LAMA3: variants seen among roughly 807,000 people sequenced by gnomAD.
LAMA3 encodes the protein laminin subunit alpha-3.
A neutral mutation model predicts 402.0 loss-of-function variants in LAMA3; 281 were observed. The ratio of observed to expected loss-of-function variants is 0.70; its 90% confidence interval spans 0.63 to 0.77. The LOEUF is 0.77. Ranked by LOEUF, LAMA3 falls within the 30% of genes least tolerant of loss-of-function variation. The pLI is 0.00. For missense variants in LAMA3, 3,840 were observed against 4,215.5 expected (o/e 0.91, Z 2.47); for synonymous variants, 1,431 against 1,558.4 (o/e 0.92, Z 1.93).
intron 15 of LAMA3, 85 bp from the exon 16 acceptor site, chr18:23,815,103 T>G: frequency 1.7e-6 from 2 of 1,186,306 alleles, no homozygotes; most frequent in Non-Finnish European, 2.5e-6. Context: ...CTGCACACGT[T>G]GTGTTGCAGC....
chr18:23,704,044 C>A (rs562694491), intron 1 of LAMA3, among the ~76,000 whole-genome samples: 2 of 152,160 alleles, frequency 1.3e-5, no homozygotes, highest in African/African-American at 4.8e-5. Context: ...CCATGGCCTC[C>A]GGAACCTTAG....
intron 2 of LAMA3, among the ~76,000 whole-genome samples, chr18:23,726,940 C>T (rs2145978319): frequency 6.6e-6 from 1 of 152,150 alleles, no homozygotes; most frequent in East Asian, 1.9e-4. Flanking sequence ...TTTAATAAGG[C>T]TATTTATTTG....
intron 6 of LAMA3, among the ~76,000 whole-genome samples, chr18:23,754,953 G>T (rs2061817120): frequency 6.6e-6 from 1 of 152,328 alleles, no homozygotes; most frequent in South Asian, 2.1e-4. Context: ...GATGTGCGTT[G>T]TGGGGCCCTT....
chr18:23,913,127 G>A (rs999026303), intron 56 of LAMA3, among the ~76,000 whole-genome samples: 26 of 152,206 alleles, frequency 1.7e-4, no homozygotes, highest in African/African-American at 5.3e-4. Context: ...GGCCCAGCAC[G>A]TGGGCATGTG....
intron 7 of LAMA3, among the ~76,000 whole-genome samples, chr18:23,762,089 G>A (rs1479010422): frequency 6.6e-6 from 1 of 152,118 alleles, no homozygotes; most frequent in Non-Finnish European, 1.5e-5. Flanking sequence ...GATGGCACGT[G>A]TCTGTGGTCC....
intron 1 of LAMA3, among the ~76,000 whole-genome samples, chr18:23,712,632 G>T (rs562096112): frequency 8.6e-6 from 1 of 116,144 alleles, no homozygotes; most frequent in Non-Finnish European, 1.9e-5. Context: ...TTTGTATAAT[G>T]TCGAAAGATA....
intron 64 of LAMA3, among the ~76,000 whole-genome samples, chr18:23,929,018 C>A (rs1355392119): frequency 2.0e-5 from 3 of 152,160 alleles, no homozygotes; most frequent in Non-Finnish European, 2.9e-5. Context: ...CATTTTTATT[C>A]TTTTCAGGTA....
At chr18:23,916,826 C>T (rs1328833522) in intron 60 of LAMA3, 131 bp downstream of exon 60, 9 of 927,328 alleles carry the variant, frequency 9.7e-6, no homozygotes, top group Non-Finnish European at 1.6e-5. Flanking sequence ...GCATCCTTTT[C>T]CTCCACCCAG....
In LAMA3 at chr18:23,943,868, C is replaced by A; in HGVS notation, c.9107C>A (p.Ala3036Asp). ...FHTGTKNSFMALYLSKGRLVF... is the reference protein window; with the variant it reads ...FHTGTKNSFMDLYLSKGRLVF... ...ACGGGCACTAAGAACTCCTTTATGG[C>A]TCTTTATCTTTCAAAAGGACGTCTG... Residue 3036 changes from alanine (A) to aspartate (D), a missense_variant, in exon 69 of 75, where the codon GCT (alanine) becomes GAT (aspartate). Physicochemically the swap from Ala to Asp is moderately radical, Grantham distance 126. Around this residue, in one of 3 missense-constraint regions of LAMA3, gnomAD observed 840 missense variants for 981.9 expected, o/e 0.86. Transcript: ENST00000313654. The A allele has an allele frequency of 6.2e-7, 1 of 1,613,960 alleles. No homozygotes were observed. Among genetic ancestry groups the A allele is most frequent in the Non-Finnish European group, 8.5e-7 (1 of 1,179,836 alleles).
In LAMA3 at chr18:23,815,513, T is replaced by C. The variant is rs760333543; in HGVS notation, c.1987T>C (p.Cys663Arg). The change falls in exon 17 of 75, where the codon TGC (cysteine) becomes CGC (arginine). Residue 663 changes from cysteine to arginine, a missense_variant. Cys to Arg is a radical substitution (Grantham distance 180). Transcript: ENST00000313654. ...CAAGTCCCATGTGGGTGGCGATTCC[T>C]GCGACACCTGTGAAGATGGATATTT... Reference protein sequence around the residue: ...HCKSHVGGDSCDTCEDGYFAL... With the variant: ...HCKSHVGGDSRDTCEDGYFAL... The C allele has an allele frequency of 2.5e-5, 41 of 1,614,086 alleles. 1 individual carries two copies. In the South Asian group the frequency reaches 4.0e-4, roughly 16 times the overall value.
At chr18:23,783,353 G>A (rs2062474448) in intron 11 of LAMA3, among the ~76,000 whole-genome samples, 1 of 152,136 alleles carries the variant, frequency 6.6e-6, no homozygotes, top group Non-Finnish European at 1.5e-5. Context: ...AGAATAAAAG[G>A]AGGAAAGTGG....
At chr18:23,913,871 A>G (rs1298167869) in intron 56 of LAMA3, among the ~76,000 whole-genome samples, 1 of 152,230 alleles carries the variant, frequency 6.6e-6, no homozygotes, top group African/African-American at 2.4e-5. Flanking sequence ...GAATGTACTT[A>G]ATGCCAATGC....
At chr18:23,734,694 AAGAT>A (rs1372464084) in intron 2 of LAMA3, among the ~76,000 whole-genome samples, 1 of 152,220 alleles carries the variant, frequency 6.6e-6, no homozygotes, top group African/African-American at 2.4e-5. Context: ...CTACAATAAA[AAGAT>A]AGCCCCACGT....
intron 41 of LAMA3, among the ~76,000 whole-genome samples, chr18:23,888,000 G>A (rs1275101107): frequency 6.6e-6 from 1 of 152,220 alleles, no homozygotes; most frequent in Non-Finnish European, 1.5e-5. Context: ...CGAACTTCCT[G>A]AATATTTCTG....
rs551974352 is a variant in LAMA3, at chr18:23,751,765, A to G, written c.855+677A>G. Among the ~76,000 whole-genome samples the G allele has an allele frequency of 2.0e-5, 3 of 152,294 alleles. No individual in the cohort carries two copies. The East Asian group carries it at 5.8e-4, about 29-fold the overall frequency. ...TACACCATGAACATCTCTCACTCTC[A>G]GGTGTCAGGGCAGTACACTTGTCTC... is the stretch of plus-strand genomic sequence containing the variant. On this transcript the variant is annotated intron_variant, in intron 5 of 74. Transcript: ENST00000313654.
At chr18:23,837,570 G>T (rs951872908) in intron 25 of LAMA3, among the ~76,000 whole-genome samples, 22 of 83,286 alleles carry the variant, frequency 2.6e-4, no homozygotes, top group East Asian at 6.7e-4. Context: ...CAGTTAATCA[G>T]ATATATATAT....
intron 67 of LAMA3, among the ~76,000 whole-genome samples, chr18:23,937,050 C>A (rs372164380): frequency 1.3e-5 from 2 of 152,114 alleles, no homozygotes; most frequent in South Asian, 2.1e-4. Flanking sequence ...GATTGGCAAG[C>A]TACCGTAATC....
rs201949793 is a variant in LAMA3 at position 23,690,206 on chromosome 18, C to T, written c.294+229C>T. ...CGAGGAGGGGGAGCACGCGAGGTGA[C>T]ATGAGGCTGTGGTCAGGTTCGGGCT... On this transcript the variant is annotated intron_variant, in intron 1 of 74. Transcript: ENST00000313654. 1.1e-4 allele frequency among the ~76,000 whole-genome samples: 17 copies of T among 152,280 alleles called. No homozygotes were observed. The East Asian group carries it at 3.3e-3, about 30-fold the overall frequency.
At position 23,815,591 on chromosome 18, in the gene LAMA3, G is replaced by T. The variant is rs565957399; in HGVS notation, c.2047+18G>T. ...GTGTCAAGGTAAATAAGTCCATTGGGCCCTGAGCAAAGCACAGTGTTGATG... is the reference window on the plus strand; with the variant it reads ...GTGTCAAGGTAAATAAGTCCATTGGTCCCTGAGCAAAGCACAGTGTTGATG... On this transcript the variant is annotated intron_variant, in intron 17 of 74. Coordinates refer to ENST00000313654, the MANE Select transcript of LAMA3 (RefSeq NM_198129.4). The T allele has an allele frequency of 3.9e-6, 6 of 1,520,306 alleles. No individual in the cohort carries two copies. In the South Asian group the frequency reaches 5.6e-5, roughly 14 times the overall value. 94.2% of individuals were successfully genotyped at this position (1,520,306 alleles called of 1,614,324 possible).
Sources: gnomAD v4.1 joint callset for allele counts (sites outside exome capture counted in the v4.1 genomes callset) on GRCh38, gnomAD v4.1.1 for gene constraint, gnomAD v4.1.1 regional missense constraint, MANE v1.5 for transcripts, NCBI Gene and HGNC (gene_info 2026-07-23, HGNC 2026-07-21) for gene names.